TMEM120B: variants seen among roughly 807,000 people sequenced by gnomAD.
The protein encoded by TMEM120B is transmembrane protein 120B.
Under a neutral mutation model 55.5 loss-of-function variants are expected in TMEM120B, and 31 were observed. That is an observed-to-expected ratio of 0.56 (90% CI 0.42 to 0.75). TMEM120B has a LOEUF of 0.75. Among genes scored for constraint, TMEM120B ranks in the 30% least tolerant of loss-of-function variants. The pLI is 0.00. For synonymous variants in TMEM120B, 203 were observed against 176.3 expected, an observed-to-expected ratio of 1.15 and a Z score of -1.20; for missense variants, 399 against 425.5, an observed-to-expected ratio of 0.94 and a Z score of 0.55.
intron 3 of TMEM120B, among the ~76,000 whole-genome samples, chr12:121,749,537 G>T (rs750417962): frequency 4.6e-5 from 7 of 152,148 alleles, no homozygotes; most frequent in Non-Finnish European, 1.0e-4. Context: ...AACAAAATTG[G>T]TGTGCTGGTG....
In TMEM120B at chr12:121,776,355, C is replaced by G. The variant is rs1006838802; in HGVS notation, c.*633C>G. The stretch of plus-strand genomic sequence containing the variant: ...CCAGAGGGCGCCCCGGGCCCTGGGT[C>G]GTCCAAGGGGACAAGGACGTTCCCG... On this transcript the variant is annotated 3_prime_UTR_variant, in exon 12 of 12. Coordinates refer to ENST00000449592, the MANE Select transcript of TMEM120B (RefSeq NM_001080825.2). The G allele has an allele frequency of 2.5e-5, 4 of 156,988 alleles. No individual in the cohort carries two copies. Among genetic ancestry groups the G allele is most frequent in the African/African-American group, 9.6e-5 (4 of 41,596 alleles). 9.7% of individuals were successfully genotyped at this position (156,988 alleles called of 1,614,324 possible).
chr12:121,748,224 G>C, intron 2 of TMEM120B, 102 bp from the exon 3 acceptor site: 1 of 699,532 alleles, frequency 1.4e-6, no homozygotes. Flanking sequence ...TAGAAGGTAG[G>C]AGGCACTGGG....
In TMEM120B at chr12:121,775,663, A is replaced by C; in HGVS notation, c.961A>C (p.Thr321Pro). 6.2e-7 allele frequency: 1 copy of C among 1,614,046 alleles called. No individual in the cohort carries two copies. Among genetic ancestry groups the C allele is most frequent in the South Asian group, 1.1e-5 (1 of 91,084 alleles). ...CCTCTTCCTCGGCAACTTCCTGACC[A>C]CGCTCAAAGTCGTGCATGCCAAGCT... ...LILFLGNFLTTLKVVHAKLQK... is the reference protein window; with the variant it reads ...LILFLGNFLTPLKVVHAKLQK... The change falls in exon 12 of 12, where the codon ACG becomes CCG. Residue 321 changes from threonine (T) to proline (P), a missense_variant. Around this residue, in one of 3 missense-constraint regions of TMEM120B, gnomAD observed 260 missense variants for 303.9 expected, o/e 0.86. Transcript: ENST00000449592. This position sits in a 1 kb window ranked among gnomAD's most constrained non-coding sequence, Gnocchi z 4.3.
intron 1 of TMEM120B, among the ~76,000 whole-genome samples, chr12:121,719,348 G>T (rs1374361047): frequency 6.6e-6 from 1 of 152,188 alleles, no homozygotes; most frequent in East Asian, 1.9e-4. Flanking sequence ...CCAACAGGAG[G>T]CTGAGGCAGG....
At chr12:121,720,583 G>A (rs1894774082) in intron 1 of TMEM120B, among the ~76,000 whole-genome samples, 1 of 152,024 alleles carries the variant, frequency 6.6e-6, no homozygotes. Flanking sequence ...TGGTGGCACA[G>A]GCCTGTAGTT....
At chr12:121,772,491 G>A (rs548434287) in intron 8 of TMEM120B, among the ~76,000 whole-genome samples, 3 of 148,024 alleles carry the variant, frequency 2.0e-5, no homozygotes, top group East Asian at 2.0e-4. Context: ...GCTGGAGTGC[G>A]GTGTTGTGAT....
intron 4 of TMEM120B, among the ~76,000 whole-genome samples, chr12:121,750,846 C>T (rs1873271644): frequency 7.9e-6 from 1 of 126,850 alleles, no homozygotes; most frequent in Non-Finnish European, 1.7e-5. Flanking sequence ...CCACACTCCA[C>T]ACCCCATACC....
intron 8 of TMEM120B, among the ~76,000 whole-genome samples, chr12:121,772,007 T>A (rs1874069442): frequency 6.6e-6 from 1 of 152,094 alleles, no homozygotes; most frequent in South Asian, 2.1e-4. Context: ...TTATCCCATG[T>A]GTGTATTGCC....
At chr12:121,732,759 C>T (rs1212856102) in intron 1 of TMEM120B, among the ~76,000 whole-genome samples, 1 of 152,088 alleles carries the variant, frequency 6.6e-6, no homozygotes, top group Non-Finnish European at 1.5e-5. Flanking sequence ...GCAGGTGGAT[C>T]ACAAAGTCAG....
intron 1 of TMEM120B, among the ~76,000 whole-genome samples, chr12:121,713,632 G>A (rs750942432): frequency 6.6e-6 from 1 of 152,156 alleles, no homozygotes; most frequent in Non-Finnish European, 1.5e-5. Context: ...ACGGGGTGGA[G>A]TGAGGGCGGG....
Position 121,781,306 on chromosome 12 carries a change from T to C in TMEM120B, c.*5584T>C, listed in dbSNP as rs1874449284. ...CTGCCTTAGGGCCTCAATTTCCTCA[T>C]CTATACAATGGGCAGCAAGCCAGGA... On this transcript the variant is annotated 3_prime_UTR_variant, in exon 12 of 12. Transcript: ENST00000449592. 3 of 870,722 alleles carry C rather than the reference T, an allele frequency of 3.4e-6. No individual in the cohort carries two copies. Among genetic ancestry groups the C allele is most frequent in the Admixed American group, 4.8e-5 (2 of 42,100 alleles). 53.9% of individuals were successfully genotyped at this position (870,722 alleles called of 1,614,324 possible). A position where few individuals can be genotyped will look rare whatever the true frequency, so the allele number is the denominator to read the frequency against.
chr12:121,743,805 A>G, intron 2 of TMEM120B, 58 bp downstream of exon 2: 2 of 1,244,678 alleles, frequency 1.6e-6, no homozygotes, highest in Admixed American at 1.8e-5. Context: ...AGTCCAACTC[A>G]AAACAGGCTG....
chr12:121,763,197 C>G (rs1156837140), intron 6 of TMEM120B, among the ~76,000 whole-genome samples: 1 of 125,626 alleles, frequency 8.0e-6, no homozygotes, highest in African/African-American at 3.0e-5. Flanking sequence ...AAGTCTTGCT[C>G]TGTCGCCCAG....
At chr12:121,730,663 AC>A (rs1419748538) in intron 1 of TMEM120B, among the ~76,000 whole-genome samples, 22 of 137,768 alleles carry the variant, frequency 1.6e-4, no homozygotes, top group East Asian at 4.7e-4. Flanking sequence ...AAAAAAAAAA[AC>A]AAACAAAAAA....
At chr12:121,726,014 G>A (rs1247870229) in intron 1 of TMEM120B, among the ~76,000 whole-genome samples, 1 of 132,748 alleles carries the variant, frequency 7.5e-6, no homozygotes, top group Non-Finnish European at 1.5e-5. Flanking sequence ...TCCAGCCTGG[G>A]CAACAAGCGA....
chr12:121,775,622 C>T lies in TMEM120B; in HGVS notation c.920C>T (p.Ala307Val), dbSNP rs1036908939. ...GGACTCCCCCAGGTGTTCGTACTGG[C>T]GTTCACCTTCCTCATCCTCTTCCTC... is the stretch of plus-strand genomic sequence containing the variant. ...ECREWQVFVL[A>V]FTFLILFLGN... The change falls in exon 12 of 12, where the codon GCG becomes GTG. Residue 307 changes from alanine (A) to valine (V), a missense_variant. Physicochemically the swap from Ala to Val is moderately conservative, Grantham distance 64 (BLOSUM62 0). This residue lies in a region of TMEM120B where 260 missense variants were observed against 303.9 expected (regional missense o/e 0.86). Coordinates refer to ENST00000449592, the MANE Select transcript of TMEM120B (RefSeq NM_001080825.2). The surrounding 1 kb of genome is among the most constrained non-coding windows in gnomAD (Gnocchi z 4.3). 1.6e-5 allele frequency: 26 copies of T among 1,613,640 alleles called. No homozygotes were observed. Among genetic ancestry groups the T allele is most frequent in the Middle Eastern group, 1.6e-4 (1 of 6,080 alleles).
intron 1 of TMEM120B, among the ~76,000 whole-genome samples, chr12:121,714,964 C>A (rs1007323137): frequency 5.3e-5 from 8 of 152,066 alleles, no homozygotes; most frequent in Non-Finnish European, 8.8e-5. Context: ...AAGAGGTTTG[C>A]TGTGTGAAGC....
At chr12:121,739,451 A>G (rs1034323304) in intron 1 of TMEM120B, among the ~76,000 whole-genome samples, 1 of 151,764 alleles carries the variant, frequency 6.6e-6, no homozygotes, top group Non-Finnish European at 1.5e-5. Context: ...TAGGGGTGCC[A>G]ATCAGTCAAA....
At chr12:121,773,901 C>T (rs1874146830) in intron 9 of TMEM120B, among the ~76,000 whole-genome samples, 1 of 151,294 alleles carries the variant, frequency 6.6e-6, no homozygotes, top group African/African-American at 2.4e-5. Context: ...AGTGAGGAGA[C>T]ACCTCATTGA....
Sources: gnomAD v4.1 joint callset for allele counts (sites outside exome capture counted in the v4.1 genomes callset) on GRCh38, gnomAD v4.1.1 for gene constraint, gnomAD v4.1.1 regional missense constraint, Gnocchi (gnomAD v3.1) non-coding constraint, MANE v1.5 for transcripts, NCBI Gene and HGNC (gene_info 2026-07-23, HGNC 2026-07-21) for gene names.